The following HPSE2 variants were observed in gnomAD, a reference collection of about 807,000 sequenced individuals.
The protein encoded by HPSE2 is heparanase 2 (inactive).
In HPSE2, 38 loss-of-function variants were observed where a neutral mutation model predicts 60.5. The ratio of observed to expected loss-of-function variants is 0.63; its 90% CI spans 0.48 to 0.82. The LOEUF is 0.82. Ranked by LOEUF, HPSE2 falls within the 40% of genes least tolerant of loss-of-function variation. The pLI is 0.00. For synonymous variants in HPSE2, 295 were observed against 293.2 expected (o/e 1.01, Z -0.06); for missense variants, 713 against 740.4 (o/e 0.96, Z 0.43).
At chr10:99,304,075 C>A in the HPSE2 span, among the ~76,000 whole-genome samples, 249 of 152,286 alleles carry the variant, frequency 1.6e-3, 3 homozygotes, top group Middle Eastern at 0.027. Context: ...TGGACCTCTG[C>A]CCTTCTGAAG....
chr10:98,715,402 G>T (rs1382780618), intron 5 of HPSE2, among the ~76,000 whole-genome samples: 1 of 151,858 alleles, frequency 6.6e-6, no homozygotes, highest in Non-Finnish European at 1.5e-5. Flanking sequence ...ACCAATTACA[G>T]ATTTTTATTT....
At chr10:99,027,050 A>T (rs1957392793) in intron 3 of HPSE2, among the ~76,000 whole-genome samples, 1 of 152,120 alleles carries the variant, frequency 6.6e-6, no homozygotes, top group Admixed American at 6.5e-5. Context: ...CTAATAATGC[A>T]TCTTAAGTAT....
chr10:98,729,140 A>C (rs1949165077), intron 4 of HPSE2, among the ~76,000 whole-genome samples: 1 of 152,240 alleles, frequency 6.6e-6, no homozygotes, highest in Non-Finnish European at 1.5e-5. Context: ...AATGGAAAAC[A>C]GCAAGATGGC....
chr10:99,079,241 A>T (rs928732668), intron 3 of HPSE2, among the ~76,000 whole-genome samples: 1 of 152,084 alleles, frequency 6.6e-6, no homozygotes, highest in Non-Finnish European at 1.5e-5. Context: ...GGGGCATTGG[A>T]TGTGTGATCC....
intron 3 of HPSE2, among the ~76,000 whole-genome samples, chr10:98,807,534 T>G (rs1270577427): frequency 6.6e-6 from 1 of 152,216 alleles, no homozygotes; most frequent in Non-Finnish European, 1.5e-5. Flanking sequence ...ATATAGCTAG[T>G]ACTCAATAAA....
At chr10:99,199,427 T>G (rs557749429) in intron 2 of HPSE2, among the ~76,000 whole-genome samples, 1 of 152,266 alleles carries the variant, frequency 6.6e-6, no homozygotes, top group South Asian at 2.1e-4. Flanking sequence ...ATACTGAGTC[T>G]TTAGTCCATT....
Position 98,630,387 on chromosome 10 carries a change from C to T in HPSE2, c.1099-9679G>A, listed in dbSNP as rs184637240. ...TAATTTTTTGTATTTTTAGTAGAGACGGTGTTTCACCATGTTAGCCAAGAT... is the reference window on the plus strand; with the variant it reads ...TAATTTTTTGTATTTTTAGTAGAGATGGTGTTTCACCATGTTAGCCAAGAT... On this transcript the variant is annotated intron_variant, in intron 7 of 11. Coordinates refer to ENST00000370552, the MANE Select transcript of HPSE2 (RefSeq NM_021828.5). Among the ~76,000 whole-genome samples the T allele has an allele frequency of 1.3e-3, 203 of 152,028 alleles. 2 individuals are homozygous for T. The highest frequency in any genetic ancestry group is 4.5e-3 in the African/African-American group (187 of 41,510).
chr10:98,815,467 G>T (rs1258246434), intron 3 of HPSE2, among the ~76,000 whole-genome samples: 1 of 152,156 alleles, frequency 6.6e-6, no homozygotes, highest in Non-Finnish European at 1.5e-5. Context: ...CAGCTAAGAG[G>T]CTAAGACTCT....
At chr10:99,029,797 G>A (rs777815928) in intron 3 of HPSE2, among the ~76,000 whole-genome samples, 6 of 152,168 alleles carry the variant, frequency 3.9e-5, no homozygotes, top group African/African-American at 9.7e-5. Context: ...GGATAACTGC[G>A]GGCAAGCCTG....
At chr10:98,868,544 T>A (rs906266895) in intron 3 of HPSE2, among the ~76,000 whole-genome samples, 2 of 152,156 alleles carry the variant, frequency 1.3e-5, no homozygotes, top group African/African-American at 4.8e-5. Flanking sequence ...CTTGAGGGGA[T>A]CGATACCCAA....
At chr10:99,290,006 T>C in the HPSE2 span, among the ~76,000 whole-genome samples, 12 of 152,314 alleles carry the variant, frequency 7.9e-5, no homozygotes, top group Non-Finnish European at 1.5e-4. Flanking sequence ...TGGTTGCTTC[T>C]GACAGAAGAC....
chr10:98,950,778 G>T (rs1197723366), intron 3 of HPSE2, among the ~76,000 whole-genome samples: 2 of 152,174 alleles, frequency 1.3e-5, no homozygotes, highest in African/African-American at 4.8e-5. Context: ...TCATTCAAGA[G>T]GATAGGCAAC....
At chr10:99,040,524 T>C (rs1957713448) in intron 3 of HPSE2, among the ~76,000 whole-genome samples, 1 of 152,176 alleles carries the variant, frequency 6.6e-6, no homozygotes, top group African/African-American at 2.4e-5. Context: ...GTTTTTCATC[T>C]TTTAACTTTA....
chr10:99,110,062 A>G (rs1038848194), intron 3 of HPSE2, among the ~76,000 whole-genome samples: 28 of 152,334 alleles, frequency 1.8e-4, no homozygotes, highest in Middle Eastern at 3.4e-3. Flanking sequence ...CTTAAACATC[A>G]TAAAGAGAAT....
chr10:99,192,975 G>A (rs980256934), intron 2 of HPSE2, among the ~76,000 whole-genome samples: 2 of 152,054 alleles, frequency 1.3e-5, no homozygotes, highest in African/African-American at 4.8e-5. Context: ...AATAGTAAGT[G>A]TGCAGAAAAA....
rs1231639917 is a variant in HPSE2, at chr10:98,457,299, TG to T, written c.*2274del. ...AGAACCTACAAAGATGTGAAGGAGG[TG>T]TCTGGACCTGTGGAGCCGCTGAGCC... On this transcript the variant is annotated 3_prime_UTR_variant, in exon 12 of 12. Transcript: ENST00000370552. 6.6e-6 allele frequency: 1 copy of T among 152,078 alleles called. No homozygotes were observed. The highest frequency in any genetic ancestry group is 1.5e-5 in the Non-Finnish European group (1 of 68,014). The allele number at this position is 152,078 out of a possible 1,614,324, so 9.4% of individuals were successfully genotyped here.
chr10:99,055,064 G>A (rs1170758705), intron 3 of HPSE2, among the ~76,000 whole-genome samples: 1 of 151,960 alleles, frequency 6.6e-6, no homozygotes, highest in Non-Finnish European at 1.5e-5. Context: ...AAATTCACCA[G>A]ATACATAAGA....
chr10:99,122,230 A>G (rs927883171), intron 3 of HPSE2, among the ~76,000 whole-genome samples: 5 of 152,184 alleles, frequency 3.3e-5, no homozygotes, highest in South Asian at 2.1e-4. Context: ...CCTCAAATGT[A>G]CTGGCTTCAG....
At chr10:99,084,428 T>A (rs1051188872) in intron 3 of HPSE2, among the ~76,000 whole-genome samples, 5 of 152,148 alleles carry the variant, frequency 3.3e-5, no homozygotes, top group Non-Finnish European at 2.9e-5. Flanking sequence ...AATCACAAGG[T>A]GCACATTTGT....
Sources: gnomAD v4.1 joint callset for allele counts (sites outside exome capture counted in the v4.1 genomes callset) on GRCh38, gnomAD v4.1.1 for gene constraint, MANE v1.5 for transcripts, NCBI Gene and HGNC (gene_info 2026-07-23, HGNC 2026-07-21) for gene names.